Variants in SDK1 observed in about 807,000 individuals in gnomAD.
The protein encoded by SDK1 is protein sidekick-1.
A neutral mutation model predicts 245.5 loss-of-function variants in SDK1; 157 were observed. The ratio of observed to expected loss-of-function variants is 0.64; its 90% CI spans 0.56 to 0.73. The LOEUF (loss-of-function observed/expected upper bound fraction) is 0.73, where lower values mean the gene tolerates loss of function less well. SDK1 is among the 30% of genes least tolerant of loss of function. SDK1 has a pLI of 0.00. For synonymous variants in SDK1, 1,647 were observed against 1,278.5 expected (o/e 1.29, Z -6.15); for missense variants, 3,583 against 3,002.3 (o/e 1.19, Z -4.52).
At chr7:4,083,913 G>T (rs967531442) in intron 22 of SDK1, among the ~76,000 whole-genome samples, 1 of 151,330 alleles carries the variant, frequency 6.6e-6, no homozygotes, top group Admixed American at 6.6e-5. Context: ...AGGTCTAGTC[G>T]CCCCACTCAG....
chr7:4,195,107 G>A lies in SDK1; in HGVS notation c.5099-10772G>A, dbSNP rs114210609. Among the ~76,000 whole-genome samples, 1,436 of 152,164 alleles carry A rather than the reference G, an allele frequency of 9.4e-3. 23 individuals carry two copies. Among genetic ancestry groups the A allele is most frequent in the African/African-American group, 0.029 (1,206 of 41,508 alleles). On this transcript the variant is annotated intron_variant, in intron 35 of 44. Coordinates refer to ENST00000404826, the MANE Select transcript of SDK1 (RefSeq NM_152744.4). Reference sequence around the variant, plus strand: ...TATTTTTAATTGACATATAATAATCGTATACATTTATGGAGCACAAAGTAA... The same window carrying A: ...TATTTTTAATTGACATATAATAATCATATACATTTATGGAGCACAAAGTAA...
chr7:3,417,699 C>G (rs912520522), intron 1 of SDK1, among the ~76,000 whole-genome samples: 4 of 152,090 alleles, frequency 2.6e-5, no homozygotes, highest in African/African-American at 9.7e-5. Flanking sequence ...GTCTTCTTTG[C>G]ATTGTTACAT....
rs17134286 is a variant in SDK1 at position 4,050,179 on chromosome 7, C to G, written c.2718+716C>G. Among the ~76,000 whole-genome samples the G allele has an allele frequency of 6.9e-3, 1,051 of 152,294 alleles. 11 individuals carry two copies. Among genetic ancestry groups the G allele is most frequent in the African/African-American group, 0.024 (985 of 41,544 alleles). ...GGAAGCTCTATACAGTGAAGGGATT[C>G]CATCTAGTTTCCTCAATACCTGGTA... On this transcript the variant is annotated intron_variant, in intron 18 of 44. Transcript: ENST00000404826.
At chr7:3,447,147 A>C (rs1418830587) in intron 1 of SDK1, among the ~76,000 whole-genome samples, 1 of 152,192 alleles carries the variant, frequency 6.6e-6, no homozygotes, top group Non-Finnish European at 1.5e-5. Flanking sequence ...TTTATAATTC[A>C]GTATTGTTTA....
At chr7:3,865,269 A>G (rs934187374) in intron 5 of SDK1, among the ~76,000 whole-genome samples, 10 of 152,140 alleles carry the variant, frequency 6.6e-5, no homozygotes, top group African/African-American at 2.4e-4. Context: ...ATCCTCCTGA[A>G]GAAGTGAGAA....
intron 8 of SDK1, among the ~76,000 whole-genome samples, chr7:3,960,698 GTTCTGT>G (rs1781607159): frequency 2.0e-5 from 3 of 152,164 alleles, no homozygotes; most frequent in African/African-American, 7.2e-5. Flanking sequence ...CCACGGCTCT[GTTCTGT>G]TTCTGTTCTT....
At chr7:3,884,737 G>A (rs1455132983) in intron 5 of SDK1, among the ~76,000 whole-genome samples, 2 of 152,228 alleles carry the variant, frequency 1.3e-5, no homozygotes, top group Admixed American at 6.5e-5. Context: ...CAGAGCCCAT[G>A]AAGCAAGCGT....
intron 32 of SDK1, among the ~76,000 whole-genome samples, chr7:4,170,456 G>A (rs1207844248): frequency 6.6e-6 from 1 of 152,016 alleles, no homozygotes; most frequent in Middle Eastern, 3.4e-3. Context: ...CAAAAAAAAA[G>A]AACAGAACAG....
At chr7:4,056,138 CTG>C in intron 19 of SDK1, among the ~76,000 whole-genome samples, 1 of 148,736 alleles carries the variant, frequency 6.7e-6, no homozygotes, top group East Asian at 1.9e-4. Flanking sequence ...TCAGAGAAAA[CTG>C]GAAATAATCT....
chr7:3,515,139 G>T (rs1005432303), intron 1 of SDK1, among the ~76,000 whole-genome samples: 1 of 152,126 alleles, frequency 6.6e-6, no homozygotes, highest in Non-Finnish European at 1.5e-5. Context: ...ACAAGACCTG[G>T]AGGTGCAGTC....
rs563007816 is a variant in SDK1, at chr7:3,790,152, A to G, written c.714-31298A>G. On this transcript the variant is annotated intron_variant, in intron 4 of 44. Coordinates refer to ENST00000404826, the MANE Select transcript of SDK1 (RefSeq NM_152744.4). The stretch of plus-strand genomic sequence containing the variant: ...GACTGAATGGTGGGGCCACTATCCT[A>G]TTTTCTGCCGTCCTTCCTCAGACAC... Among the ~76,000 whole-genome samples, 29 of 152,164 alleles carry G rather than the reference A, an allele frequency of 1.9e-4. No individual in the cohort carries two copies. In the East Asian group the frequency reaches 5.0e-3, roughly 26 times the overall value.
At chr7:3,751,559 G>C (rs1779772625) in intron 4 of SDK1, among the ~76,000 whole-genome samples, 1 of 152,156 alleles carries the variant, frequency 6.6e-6, no homozygotes. Context: ...TCATTGCCCA[G>C]TAAGGATGCT....
At chr7:3,529,625 C>G (rs565503901) in intron 1 of SDK1, among the ~76,000 whole-genome samples, 2 of 152,132 alleles carry the variant, frequency 1.3e-5, no homozygotes, top group South Asian at 4.2e-4. Flanking sequence ...AAAAAATCAC[C>G]ATTTGGCAAC....
chr7:3,472,858 G>A lies in SDK1; in HGVS notation c.299-146222G>A, dbSNP rs533231177. ...GGTCTGGCTTACAGTACCAGCATGA[G>A]AACATGGGGTAACAGTCAGGGGCTT... On this transcript the variant is annotated intron_variant, in intron 1 of 44. Transcript: ENST00000404826. Among the ~76,000 whole-genome samples, 3 of 152,320 alleles carry A rather than the reference G, an allele frequency of 2.0e-5. No homozygotes were observed. In the South Asian group the frequency reaches 6.2e-4, roughly 32 times the overall value.
At chr7:3,592,488 C>T (rs963722675) in intron 1 of SDK1, among the ~76,000 whole-genome samples, 18 of 152,222 alleles carry the variant, frequency 1.2e-4, no homozygotes, top group African/African-American at 4.1e-4. Context: ...TTTCTCTCTA[C>T]CTCCTCGTCA....
intron 23 of SDK1, among the ~76,000 whole-genome samples, chr7:4,112,432 G>T (rs896253604): frequency 1.3e-5 from 2 of 152,316 alleles, no homozygotes; most frequent in Non-Finnish European, 2.9e-5. Context: ...TGGGGTTCAA[G>T]ATATTTTCCT....
At chr7:3,458,529 A>ATT (rs796410094) in intron 1 of SDK1, among the ~76,000 whole-genome samples, 1 of 147,396 alleles carries the variant, frequency 6.8e-6, no homozygotes, top group Non-Finnish European at 1.5e-5. Context: ...TTTCTTCAGA[A>ATT]TTTTTTTTTT....
chr7:3,773,375 TTC>T (rs1240491212), intron 4 of SDK1, among the ~76,000 whole-genome samples: 5 of 152,118 alleles, frequency 3.3e-5, no homozygotes, highest in African/African-American at 1.2e-4. Context: ...GCTCCAGAAT[TTC>T]TTTTTGGTTT....
At chr7:3,575,442 G>A (rs1780254501) in intron 1 of SDK1, among the ~76,000 whole-genome samples, 1 of 151,940 alleles carries the variant, frequency 6.6e-6, no homozygotes, top group African/African-American at 2.4e-5. Flanking sequence ...GAATTTTGGG[G>A]GGACACAAAC....
Sources: gnomAD v4.1 joint callset for allele counts (sites outside exome capture counted in the v4.1 genomes callset) on GRCh38, gnomAD v4.1.1 for gene constraint, MANE v1.5 for transcripts, NCBI Gene and HGNC (gene_info 2026-07-23, HGNC 2026-07-21) for gene names.